UNC5D: variants seen among roughly 807,000 people sequenced by gnomAD.
The protein encoded by UNC5D is netrin receptor UNC5D.
UNC5D carries 39 observed loss-of-function variants against 105.4 expected under a neutral mutation model. That is an observed-to-expected ratio of 0.37 (90% confidence interval 0.29 to 0.48). The LOEUF is 0.48. Among genes scored for constraint, UNC5D ranks in the 20% least tolerant of loss-of-function variants. The pLI, the probability that UNC5D is intolerant of heterozygous loss-of-function variation, is 0.98. For synonymous variants in UNC5D, 452 were observed against 450.4 expected, an observed-to-expected ratio of 1.00 and a Z score of -0.04; for missense variants, 991 against 1,202.4, an observed-to-expected ratio of 0.82 and a Z score of 2.60.
At chr8:35,640,099 T>C (rs757064781) in intron 4 of UNC5D, among the ~76,000 whole-genome samples, 3 of 152,206 alleles carry the variant, frequency 2.0e-5, no homozygotes, top group Non-Finnish European at 2.9e-5. Flanking sequence ...ATGTGTCCTA[T>C]TGGTCTTCAT....
At chr8:35,275,163 TAAG>T (rs1196780028) in intron 1 of UNC5D, among the ~76,000 whole-genome samples, 4 of 151,264 alleles carry the variant, frequency 2.6e-5, no homozygotes, top group African/African-American at 9.7e-5. Context: ...CATAATGAAA[TAAG>T]AAGACAAAGC....
intron 4 of UNC5D, among the ~76,000 whole-genome samples, chr8:35,624,104 C>T (rs189456194): frequency 6.6e-6 from 1 of 152,066 alleles, no homozygotes; most frequent in Non-Finnish European, 1.5e-5. Flanking sequence ...ATTCATTAGT[C>T]TTATTTTTCC....
At chr8:35,491,321 C>T in intron 1 of UNC5D, among the ~76,000 whole-genome samples, 1 of 151,966 alleles carries the variant, frequency 6.6e-6, no homozygotes. Context: ...ATAAGCATAA[C>T]CTGAACTAGG....
At chr8:35,330,002 T>G (rs1222748372) in intron 1 of UNC5D, among the ~76,000 whole-genome samples, 1 of 152,170 alleles carries the variant, frequency 6.6e-6, no homozygotes, top group East Asian at 1.9e-4. Context: ...AATGACCCTG[T>G]GAGGTAGGTG....
chr8:35,256,770 A>G (rs768799529), intron 1 of UNC5D, among the ~76,000 whole-genome samples: 2 of 152,132 alleles, frequency 1.3e-5, no homozygotes, highest in East Asian at 3.9e-4. Context: ...GAGGATGGAC[A>G]TAGAATTGTC....
chr8:35,480,706 CAT>C (rs1286746976), intron 1 of UNC5D, among the ~76,000 whole-genome samples: 1 of 152,014 alleles, frequency 6.6e-6, no homozygotes, highest in East Asian at 1.9e-4. Flanking sequence ...ATAGAAAAAA[CAT>C]AATAGCTAAG....
intron 15 of UNC5D, among the ~76,000 whole-genome samples, chr8:35,773,896 A>G (rs7846639): frequency 0.045 from 6,781 of 151,924 alleles, 381 homozygotes; most frequent in African/African-American, 0.13. Flanking sequence ...CTAATTCTTT[A>G]TATTTTTAGT....
intron 1 of UNC5D, among the ~76,000 whole-genome samples, chr8:35,529,462 T>C (rs1195249367): frequency 1.3e-5 from 2 of 148,944 alleles, no homozygotes; most frequent in Non-Finnish European, 3.0e-5. Context: ...ACTTGTAGTA[T>C]AGTTTGAAGT....
chr8:35,728,095 A>AAAAAAAAAAATAT (rs34672872), intron 10 of UNC5D, among the ~76,000 whole-genome samples: 12 of 110,350 alleles, frequency 1.1e-4, no homozygotes, highest in Admixed American at 6.1e-4. Context: ...AAAAAAAAAA[A>AAAAAAAAAAATAT]ATATATATAT....
intron 1 of UNC5D, among the ~76,000 whole-genome samples, chr8:35,435,049 A>C (rs540883818): frequency 6.6e-6 from 1 of 152,208 alleles, no homozygotes; most frequent in Admixed American, 6.5e-5. Context: ...TAAAGATCTT[A>C]AACTTGGAAA....
intron 13 of UNC5D, among the ~76,000 whole-genome samples, chr8:35,751,127 G>T (rs1187699727): frequency 6.6e-6 from 1 of 152,104 alleles, no homozygotes; most frequent in Non-Finnish European, 1.5e-5. Flanking sequence ...AGTGAGGTGG[G>T]AGTGCTGACT....
chr8:35,288,029 A>C (rs1248965349), intron 1 of UNC5D, among the ~76,000 whole-genome samples: 2 of 152,098 alleles, frequency 1.3e-5, no homozygotes, highest in Non-Finnish European at 2.9e-5. Context: ...GAGAGTGCAA[A>C]AGGCTTAGAC....
chr8:35,686,460 T>C, intron 6 of UNC5D, 85 bp from the exon 7 acceptor site: 1 of 1,395,588 alleles, frequency 7.2e-7, no homozygotes, highest in Non-Finnish European at 9.4e-7. Flanking sequence ...AAAATCCAGC[T>C]CTAGAACAAC....
At chr8:35,625,309 G>A (rs1821642063) in intron 4 of UNC5D, among the ~76,000 whole-genome samples, 1 of 152,090 alleles carries the variant, frequency 6.6e-6, no homozygotes, top group Non-Finnish European at 1.5e-5. Context: ...ACTTTAATGG[G>A]TTCCCCCTCG....
chr8:35,252,757 G>T (rs1369088818), intron 1 of UNC5D, among the ~76,000 whole-genome samples: 1 of 152,028 alleles, frequency 6.6e-6, no homozygotes, highest in Admixed American at 6.6e-5. Context: ...ACTTTCAAGT[G>T]TTTTTTTATA....
At chr8:35,558,246 G>A (rs1315436266) in intron 2 of UNC5D, among the ~76,000 whole-genome samples, 2 of 151,904 alleles carry the variant, frequency 1.3e-5, no homozygotes, top group Non-Finnish European at 2.9e-5. Flanking sequence ...ACACATACAG[G>A]GTGCTCAATA....
chr8:35,308,727 A>G (rs567151461), intron 1 of UNC5D, among the ~76,000 whole-genome samples: 139 of 152,304 alleles, frequency 9.1e-4, no homozygotes, highest in African/African-American at 3.2e-3. Flanking sequence ...TGAATCAATA[A>G]TGATTATTCC....
intron 16 of UNC5D, among the ~76,000 whole-genome samples, chr8:35,784,250 T>C (rs1802636889): frequency 6.6e-6 from 1 of 152,150 alleles, no homozygotes; most frequent in Admixed American, 6.6e-5. Flanking sequence ...TTAAATTTAA[T>C]AAACCATTAG....
chr8:35,391,820 T>A (rs750809876), intron 1 of UNC5D, among the ~76,000 whole-genome samples: 2 of 152,140 alleles, frequency 1.3e-5, no homozygotes, highest in Non-Finnish European at 2.9e-5. Flanking sequence ...GTGGGCAAAG[T>A]GAGATGAGTG....
Sources: gnomAD v4.1 joint callset for allele counts (sites outside exome capture counted in the v4.1 genomes callset) on GRCh38, gnomAD v4.1.1 for gene constraint, MANE v1.5 for transcripts, NCBI Gene and HGNC (gene_info 2026-07-23, HGNC 2026-07-21) for gene names.